Variants in NFIB observed in about 807,000 individuals in gnomAD.
NFIB encodes the protein nuclear factor I B, also known as nuclear factor 1 B-type.
NFIB carries 11 observed loss-of-function variants against 61.5 expected under a neutral mutation model. That is an observed-to-expected ratio of 0.18 (90% CI 0.11 to 0.30). The LOEUF (loss-of-function observed/expected upper bound fraction) is 0.30, where lower values mean the gene tolerates loss of function less well. Among genes scored for constraint, NFIB ranks in the 10% least tolerant of loss-of-function variants. The pLI, the probability that NFIB is intolerant of heterozygous loss-of-function variation, is 1.00. For synonymous variants in NFIB, 260 were observed against 216.5 expected, an observed-to-expected ratio of 1.20 and a Z score of -1.76; for missense variants, 471 against 608.9, an observed-to-expected ratio of 0.77 and a Z score of 2.38.
chr9:14,431,135 G>A, the NFIB span, among the ~76,000 whole-genome samples: 1 of 152,132 alleles, frequency 6.6e-6, no homozygotes, highest in Non-Finnish European at 1.5e-5. Context: ...CTAACTCAAT[G>A]TTGTGTTGGT....
chr9:14,517,146 T>A, the NFIB span, among the ~76,000 whole-genome samples: 1 of 152,206 alleles, frequency 6.6e-6, no homozygotes, highest in Non-Finnish European at 1.5e-5. Flanking sequence ...GAGGAAAGCA[T>A]CTAAAATTTC....
the NFIB span, among the ~76,000 whole-genome samples, chr9:14,531,271 G>A: frequency 3.3e-5 from 5 of 152,142 alleles, no homozygotes; most frequent in African/African-American, 1.2e-4. Context: ...CACATTTGCA[G>A]CTGGACAAAT....
At chr9:14,379,574 A>C (rs1206095399) in intron 1 of NFIB, among the ~76,000 whole-genome samples, 1 of 152,200 alleles carries the variant, frequency 6.6e-6, no homozygotes. Flanking sequence ...TCACTGTGGT[A>C]TTATATCGTC....
At chr9:14,103,926 T>TC (rs2036159605) in intron 10 of NFIB, among the ~76,000 whole-genome samples, 1 of 143,864 alleles carries the variant, frequency 7.0e-6, no homozygotes, top group Non-Finnish European at 1.5e-5. Context: ...TAAATATTCT[T>TC]TTTTTTTTTT....
intron 2 of NFIB, among the ~76,000 whole-genome samples, chr9:14,306,769 T>TA (rs1275883833): frequency 6.6e-6 from 1 of 152,208 alleles, no homozygotes. Context: ...TGGTCTTTCT[T>TA]AAATATCCAA....
intron 3 of NFIB, among the ~76,000 whole-genome samples, chr9:14,161,058 T>C (rs1247185257): frequency 1.3e-5 from 2 of 152,146 alleles, no homozygotes; most frequent in Non-Finnish European, 2.9e-5. Flanking sequence ...TAATTCTTTT[T>C]GTAAAGGGAC....
intron 1 of NFIB, among the ~76,000 whole-genome samples, chr9:14,331,948 G>T (rs1466163490): frequency 1.3e-5 from 2 of 152,164 alleles, no homozygotes; most frequent in Non-Finnish European, 2.9e-5. Context: ...TGATAAACAA[G>T]AATAGATATG....
At chr9:14,475,563 C>T in the NFIB span, among the ~76,000 whole-genome samples, 1 of 152,074 alleles carries the variant, frequency 6.6e-6, no homozygotes, top group Non-Finnish European at 1.5e-5. Flanking sequence ...CCTCCTTGAC[C>T]CCTGCAGCGT....
intron 1 of NFIB, among the ~76,000 whole-genome samples, chr9:14,310,618 A>G (rs930247400): frequency 6.6e-6 from 1 of 152,224 alleles, no homozygotes; most frequent in African/African-American, 2.4e-5. Context: ...AATAGCATTA[A>G]GCAATCATAA....
At position 14,280,178 on chromosome 9, in the gene NFIB, C is replaced by T. The variant is rs199819723; in HGVS notation, c.562+26811G>A. ...CAGCCTCACTAAGCCAGCTTAGGGG[C>T]TGATCTAAAATAATAGTTTAACAAA... is the stretch of plus-strand genomic sequence containing the variant. On this transcript the variant is annotated intron_variant, in intron 2 of 10. Transcript: ENST00000380953. 1.7e-4 allele frequency among the ~76,000 whole-genome samples: 26 copies of T among 152,264 alleles called. No individual in the cohort carries two copies. The East Asian group carries it at 4.3e-3, about 25-fold the overall frequency.
chr9:14,408,693 T>G, the NFIB span, among the ~76,000 whole-genome samples: 1 of 152,032 alleles, frequency 6.6e-6, no homozygotes, highest in Admixed American at 6.6e-5. Flanking sequence ...GGAAAAAGAG[T>G]AGAAAAGATT....
the NFIB span, among the ~76,000 whole-genome samples, chr9:14,481,246 C>T: frequency 1.6e-5 from 1 of 62,282 alleles, no homozygotes; most frequent in African/African-American, 5.5e-5. Context: ...GCTTAGCATC[C>T]CAGCTTCATG....
In NFIB at chr9:14,307,647, A is replaced by G. The variant is rs2060084583; in HGVS notation, c.31-127T>C. The G allele has an allele frequency of 2.2e-6, 2 of 896,220 alleles. No individual in the cohort carries two copies. The highest frequency in any genetic ancestry group is 5.5e-5 in the East Asian group (2 of 36,570). 55.5% of individuals were successfully genotyped at this position (896,220 alleles called of 1,614,324 possible). A position where few individuals can be genotyped will look rare whatever the true frequency, so the allele number is the denominator to read the frequency against. ...ACAAAAAGTTATACATGAAAATAAC[A>G]TTCCTTTCTTATTTAAAATTATCAA... On this transcript the variant is annotated intron_variant, in intron 1 of 10. Coordinates refer to ENST00000380953, the MANE Select transcript of NFIB (RefSeq NM_001190737.2). This position sits in a 1 kb window ranked among gnomAD's most constrained non-coding sequence, Gnocchi z 5.3.
chr9:14,459,091 G>T, the NFIB span, among the ~76,000 whole-genome samples: 1 of 151,546 alleles, frequency 6.6e-6, no homozygotes, highest in African/African-American at 2.4e-5. Flanking sequence ...AAAGCTGGAG[G>T]CATCACGCTA....
chr9:14,121,415 T>G (rs1282695246), intron 7 of NFIB, among the ~76,000 whole-genome samples: 4 of 152,160 alleles, frequency 2.6e-5, no homozygotes, highest in African/African-American at 9.6e-5. Flanking sequence ...AAAACAAAAG[T>G]GAAATTCAAT....
chr9:14,116,903 A>G (rs1219038359), intron 8 of NFIB, among the ~76,000 whole-genome samples: 2 of 152,224 alleles, frequency 1.3e-5, no homozygotes, highest in African/African-American at 4.8e-5. Context: ...ACAAAACTCT[A>G]GCTCTCTTAC....
At chr9:14,202,034 A>G (rs1275107629) in intron 2 of NFIB, among the ~76,000 whole-genome samples, 1 of 152,062 alleles carries the variant, frequency 6.6e-6, no homozygotes, top group Non-Finnish European at 1.5e-5. Flanking sequence ...GTTGACTTTC[A>G]TTCACTTGCT....
the NFIB span, among the ~76,000 whole-genome samples, chr9:14,466,458 G>A: frequency 1.3e-5 from 2 of 152,100 alleles, no homozygotes; most frequent in African/African-American, 2.4e-5. Context: ...CATCCTCTGG[G>A]CTCTGCGTTT....
At chr9:14,459,022 A>C in the NFIB span, among the ~76,000 whole-genome samples, 1 of 152,170 alleles carries the variant, frequency 6.6e-6, no homozygotes, top group Non-Finnish European at 1.5e-5. Flanking sequence ...ACTACTTTAA[A>C]GTTCATATGG....
Sources: allele counts gnomAD v4.1 joint callset (sites outside exome capture counted in the v4.1 genomes callset), GRCh38; gene constraint gnomAD v4.1.1; non-coding constraint Gnocchi (gnomAD v3.1); transcripts MANE v1.5; gene names NCBI Gene and HGNC (gene_info 2026-07-23, HGNC 2026-07-21).